CLNK: variants seen among roughly 807,000 people sequenced by gnomAD.
The protein encoded by CLNK is cytokine-dependent hematopoietic cell linker.
A neutral mutation model predicts 68.6 loss-of-function variants in CLNK; 74 were observed. The observed-to-expected ratio is 1.08, with a 90% confidence interval of 0.89 to 1.31. The LOEUF (loss-of-function observed/expected upper bound fraction) is 1.31. CLNK is among the 50% of genes most tolerant of loss of function. The pLI is 0.00. For missense variants in CLNK, 553 were observed against 515.3 expected (o/e 1.07, Z -0.71); for synonymous variants, 198 against 172.2 (o/e 1.15, Z -1.17).
Position 10,520,829 on chromosome 4 carries a change from G to T in CLNK, c.734C>A (p.Ser245Tyr). 6.2e-7 allele frequency: 1 copy of T among 1,600,672 alleles called. No individual in the cohort carries two copies. The highest frequency in any genetic ancestry group is 1.1e-5 in the South Asian group (1 of 89,266). Residue 245 changes from serine to tyrosine, a missense_variant and splice_region_variant, in exon 15 of 19, where the codon TCT (serine) becomes TAT (tyrosine). By Grantham distance (144) the Ser-to-Tyr change is moderately radical. Transcript: ENST00000226951. The part of the protein sequence containing the change: ...TQEIPLAISS[S>Y]SFTTSNHSVQ... Reference sequence around the variant, plus strand: ...ACTGTGGTTGCTTGTCGTGAATGAAGAACTATAAGAAAATATGTTAAAATT... The same window carrying T: ...ACTGTGGTTGCTTGTCGTGAATGAATAACTATAAGAAAATATGTTAAAATT...
rs540612710 is a variant in CLNK, at chr4:10,631,776, C to CA, written c.12-33728dup. On this transcript the variant is annotated intron_variant, in intron 2 of 18. Coordinates refer to ENST00000226951, the MANE Select transcript of CLNK (RefSeq NM_052964.4). ...AATTAGAAAATGTTCTTTTTAGTCT[C>CA]AAAGCAACTCTATGACATAGAAGTT... Among the ~76,000 whole-genome samples, 261 of 152,332 alleles carry CA rather than the reference C, an allele frequency of 1.7e-3. 1 individual carries two copies. The highest frequency in any genetic ancestry group is 5.9e-3 in the African/African-American group (247 of 41,576).
At chr4:10,595,793 C>T (rs1025803719) in intron 3 of CLNK, among the ~76,000 whole-genome samples, 3 of 152,144 alleles carry the variant, frequency 2.0e-5, no homozygotes, top group Non-Finnish European at 4.4e-5. Context: ...ATTCTTCTTT[C>T]CTGTAGAAAG....
At chr4:10,691,684 T>C in the CLNK span, among the ~76,000 whole-genome samples, 1 of 152,144 alleles carries the variant, frequency 6.6e-6, no homozygotes, top group Non-Finnish European at 1.5e-5. Context: ...TTTTAAATCA[T>C]GCTGGCAAAA....
chr4:10,589,726 C>G (rs1221791518), intron 3 of CLNK, among the ~76,000 whole-genome samples: 1 of 152,176 alleles, frequency 6.6e-6, no homozygotes, highest in East Asian at 1.9e-4. Context: ...TGTCTTGACA[C>G]AAGCAATGGA....
intron 2 of CLNK, among the ~76,000 whole-genome samples, chr4:10,667,473 G>T (rs2055315671): frequency 6.8e-6 from 1 of 146,204 alleles, no homozygotes; most frequent in South Asian, 2.2e-4. Flanking sequence ...CACCACTTTT[G>T]GTGTCCACAA....
intron 2 of CLNK, among the ~76,000 whole-genome samples, chr4:10,615,234 C>T (rs1464322200): frequency 1.3e-5 from 2 of 151,994 alleles, no homozygotes; most frequent in Non-Finnish European, 2.9e-5. Context: ...AATCCCAGCA[C>T]TTTGGGAGGC....
rs149879819 is a variant in CLNK, at chr4:10,587,705, A to G, written c.84-2750T>C. Among the ~76,000 whole-genome samples the G allele has an allele frequency of 2.8e-4, 42 of 152,272 alleles. No homozygotes were observed. In the East Asian group the frequency reaches 5.4e-3, roughly 20 times the overall value. On this transcript the variant is annotated intron_variant, in intron 3 of 18. Coordinates refer to ENST00000226951, the MANE Select transcript of CLNK (RefSeq NM_052964.4). Reference sequence around the variant, plus strand: ...CCTGTGGGCTCGCTGTTATCGCCTCAACTTTACAGAATAGGAAATAGGGTA... The same window carrying G: ...CCTGTGGGCTCGCTGTTATCGCCTCGACTTTACAGAATAGGAAATAGGGTA...
intron 15 of CLNK, among the ~76,000 whole-genome samples, chr4:10,518,063 T>C (rs1291577381): frequency 1.3e-5 from 2 of 151,800 alleles, no homozygotes; most frequent in East Asian, 3.9e-4. Context: ...CCCCATGAAA[T>C]AGGACTCTCC....
chr4:10,667,063 G>T (rs1218120801), intron 2 of CLNK, among the ~76,000 whole-genome samples: 1 of 152,108 alleles, frequency 6.6e-6, no homozygotes, highest in Non-Finnish European at 1.5e-5. Flanking sequence ...CTTTTCAAAG[G>T]GTTAAGGAAC....
chr4:10,713,813 G>A, the CLNK span, among the ~76,000 whole-genome samples: 1 of 152,118 alleles, frequency 6.6e-6, no homozygotes, highest in Admixed American at 6.5e-5. Context: ...GCAGATGCCA[G>A]CACCATGCTT....
intron 14 of CLNK, chr4:10,523,957 C>T: frequency 2.6e-6 from 1 of 388,312 alleles, no homozygotes; most frequent in Non-Finnish European, 5.2e-6. Context: ...CCCGGGAGGT[C>T]AAGGCTGCAT....
rs371222469 is a variant in CLNK, at chr4:10,564,104, C to CTTT, written c.399+564_399+566dup. Among the ~76,000 whole-genome samples, 138 of 135,844 alleles carry CTTT rather than the reference C, an allele frequency of 1.0e-3. 1 individual carries two copies. In the South Asian group the frequency reaches 0.012, roughly 12 times the overall value. 89.1% of individuals were successfully genotyped at this position (135,844 alleles called of 152,430 possible). Reference sequence around the variant, plus strand: ...GGCATTTGCATTTACTAGATTTTTTCTTTTTTTTTTTTTTTGAGACGGAGT... The same window carrying CTTT: ...GGCATTTGCATTTACTAGATTTTTTCTTTTTTTTTTTTTTTTTTGAGACGGAGT... On this transcript the variant is annotated intron_variant, in intron 7 of 18. Coordinates refer to ENST00000226951, the MANE Select transcript of CLNK (RefSeq NM_052964.4).
chr4:10,642,373 A>G (rs1236465576), intron 2 of CLNK, among the ~76,000 whole-genome samples: 2 of 152,208 alleles, frequency 1.3e-5, no homozygotes, highest in African/African-American at 4.8e-5. Flanking sequence ...AAGGAGAGAA[A>G]ACAGGCACAG....
intron 2 of CLNK, among the ~76,000 whole-genome samples, chr4:10,618,424 A>G (rs1722312284): frequency 2.0e-5 from 3 of 152,216 alleles, no homozygotes; most frequent in South Asian, 2.1e-4. Context: ...GTTGATGGAA[A>G]TCTTCCGAAA....
intron 2 of CLNK, among the ~76,000 whole-genome samples, chr4:10,610,030 CTCGTTTTTTTTTTTT>C (rs1560240495): frequency 9.5e-5 from 12 of 126,492 alleles, no homozygotes; most frequent in African/African-American, 3.4e-4. Flanking sequence ...TAAATGAATG[CTCGTTTTTTTTTTTT>C]TTTTTTTTTT....
the CLNK span, among the ~76,000 whole-genome samples, chr4:10,717,273 C>T: frequency 6.6e-6 from 1 of 152,154 alleles, no homozygotes; most frequent in Non-Finnish European, 1.5e-5. Context: ...TCTCTCCCTC[C>T]TCATTGGGGT....
At chr4:10,575,472 G>C (rs148515424) in intron 4 of CLNK, among the ~76,000 whole-genome samples, 2 of 152,228 alleles carry the variant, frequency 1.3e-5, no homozygotes, top group Non-Finnish European at 2.9e-5. Context: ...ATTAAAGAGC[G>C]CCTCTCCAGC....
intron 2 of CLNK, among the ~76,000 whole-genome samples, chr4:10,616,784 GTGTGTGTATATA>G (rs1472898482): frequency 4.5e-4 from 5 of 11,188 alleles, no homozygotes; most frequent in Admixed American, 1.3e-3. Flanking sequence ...ATATATGTGT[GTGTGTGTATATA>G]TATATATATA....
chr4:10,725,452 T>G, the CLNK span, among the ~76,000 whole-genome samples: 1 of 152,086 alleles, frequency 6.6e-6, no homozygotes, highest in Non-Finnish European at 1.5e-5. Flanking sequence ...GCCTCCTCCT[T>G]CACAGCATCT....
Sources: allele counts gnomAD v4.1 joint callset (sites outside exome capture counted in the v4.1 genomes callset), GRCh38; gene constraint gnomAD v4.1.1; transcripts MANE v1.5; gene names NCBI Gene and HGNC (gene_info 2026-07-23, HGNC 2026-07-21).